Variants in PKP2 observed in about 807,000 individuals in gnomAD.
The protein encoded by PKP2 is plakophilin-2.
In PKP2, 73 loss-of-function variants were observed where a neutral mutation model predicts 83.4. That is an observed-to-expected ratio of 0.88 (90% confidence interval 0.72 to 1.06). The LOEUF (loss-of-function observed/expected upper bound fraction) is 1.06. Among genes scored for constraint, PKP2 ranks in the 50% least tolerant of loss-of-function variants. The pLI, the probability that PKP2 is intolerant of heterozygous loss-of-function variation, is 0.00. For missense variants in PKP2, 966 were observed against 1,065.4 expected (o/e 0.91, Z 1.30); for synonymous variants, 409 against 430.4 (o/e 0.95, Z 0.62).
chr12:32,862,018 C>T (rs1031536596), intron 4 of PKP2, among the ~76,000 whole-genome samples: 1 of 152,126 alleles, frequency 6.6e-6, no homozygotes, highest in Non-Finnish European at 1.5e-5. Flanking sequence ...CTGCCTCAGC[C>T]TCCTAAGTAG....
chr12:32,873,682 A>C (rs1387120259), intron 3 of PKP2, among the ~76,000 whole-genome samples: 5 of 152,182 alleles, frequency 3.3e-5, no homozygotes, highest in African/African-American at 1.2e-4. Flanking sequence ...GGCATCCACC[A>C]CCATGCCTGG....
intron 4 of PKP2, 125 bp downstream of exon 4, chr12:32,868,802 G>A (rs567831618): frequency 1.1e-5 from 12 of 1,096,350 alleles, no homozygotes; most frequent in African/African-American, 6.2e-5. Context: ...GAATATAGGC[G>A]TGAACCACCA....
At chr12:32,793,579 T>A (rs931741253) in intron 11 of PKP2, among the ~76,000 whole-genome samples, 3 of 150,276 alleles carry the variant, frequency 2.0e-5, no homozygotes, top group Non-Finnish European at 4.4e-5. Context: ...AAGTCACCAC[T>A]GCATTTGAAC....
At chr12:32,837,154 GC>G (rs963147311) in intron 6 of PKP2, among the ~76,000 whole-genome samples, 1 of 152,182 alleles carries the variant, frequency 6.6e-6, no homozygotes, top group African/African-American at 2.4e-5. Flanking sequence ...CTGTAAATTG[GC>G]AATATCTGAC....
At chr12:32,824,312 T>G in intron 6 of PKP2, 150 bp from the exon 7 acceptor site, 3 of 694,058 alleles carry the variant, frequency 4.3e-6, no homozygotes, top group Non-Finnish European at 7.9e-6. Context: ...AACAAATCAT[T>G]GACTGCTTAA....
intron 9 of PKP2, among the ~76,000 whole-genome samples, chr12:32,815,845 A>C (rs765128220): frequency 2.0e-5 from 3 of 152,184 alleles, no homozygotes; most frequent in Non-Finnish European, 2.9e-5. Context: ...AATTTCACTA[A>C]TTCCGATTTG....
chr12:32,859,178 G>A lies in PKP2; in HGVS notation c.1171-8205C>T, dbSNP rs1428678693. Among the ~76,000 whole-genome samples, 3 of 152,282 alleles carry A rather than the reference G, an allele frequency of 2.0e-5. No homozygotes were observed. The East Asian group carries it at 5.8e-4, about 29-fold the overall frequency. ...TGGATGAAATATAAGTATAGAAAGAGTACTTATTTCTCTGAAAATTAATTT... is the reference window on the plus strand; with the variant it reads ...TGGATGAAATATAAGTATAGAAAGAATACTTATTTCTCTGAAAATTAATTT... On this transcript the variant is annotated intron_variant, in intron 4 of 12. Transcript: ENST00000340811.
Position 32,792,056 on chromosome 12 carries a change from A to G in PKP2, c.*368T>C. The G allele has an allele frequency of 5.9e-6, 2 of 337,998 alleles. No individual in the cohort carries two copies. Among genetic ancestry groups the G allele is most frequent in the Non-Finnish European group, 1.1e-5 (2 of 177,534 alleles). The allele number at this position is 337,998 out of a possible 1,614,324, so 20.9% of individuals were successfully genotyped here. The stretch of plus-strand genomic sequence containing the variant: ...GAGTGACAAAACATGGGAACCAGAA[A>G]AGGAATATAAATGTAAATCAAACTT... On this transcript the variant is annotated 3_prime_UTR_variant, in exon 13 of 13. Coordinates refer to ENST00000340811, the MANE Select transcript of PKP2 (RefSeq NM_001005242.3).
At chr12:32,848,978 CCAGAACA>C in intron 5 of PKP2, among the ~76,000 whole-genome samples, 1 of 148,046 alleles carries the variant, frequency 6.8e-6, no homozygotes, top group Non-Finnish European at 1.5e-5. Context: ...AAAGTATTTA[CCAGAACA>C]CTGTCAACTA....
intron 4 of PKP2, among the ~76,000 whole-genome samples, chr12:32,858,103 A>ATATATATATATATATT (rs1956769126): frequency 1.4e-4 from 13 of 94,578 alleles, no homozygotes; most frequent in African/African-American, 6.4e-4. Context: ...ATATATATAT[A>ATATATATATATATATT]TATATATATA....
intron 9 of PKP2, among the ~76,000 whole-genome samples, chr12:32,810,283 T>C (rs899749795): frequency 2.0e-5 from 3 of 152,236 alleles, no homozygotes; most frequent in African/African-American, 7.2e-5. Context: ...GAAACTTCTT[T>C]AGTATTCACT....
intron 10 of PKP2, among the ~76,000 whole-genome samples, chr12:32,801,377 G>T (rs1370940350): frequency 6.6e-6 from 1 of 152,134 alleles, no homozygotes; most frequent in African/African-American, 2.4e-5. Flanking sequence ...AAAAGACCAT[G>T]GGGAGAGCAT....
At chr12:32,875,174 G>A (rs145717722) in intron 3 of PKP2, among the ~76,000 whole-genome samples, 23 of 152,136 alleles carry the variant, frequency 1.5e-4, no homozygotes, top group Non-Finnish European at 3.1e-4. Flanking sequence ...CAAATGAATA[G>A]CCACAATATA....
At position 32,802,511 on chromosome 12, in the gene PKP2, G is replaced by C; in HGVS notation, c.2059C>G (p.Leu687Val). ...AQTVVQKESGLQHTRKMLHVG... is the reference protein window; with the variant it reads ...AQTVVQKESGVQHTRKMLHVG... The stretch of plus-strand genomic sequence containing the variant: ...TGCAGCATCTTTCGGGTGTGCTGCA[G>C]GCCACTTTCCTTCTGGACAACTGTC... The change falls in exon 10 of 13, where the codon CTG becomes GTG. Residue 687 changes from leucine (L) to valine (V), a missense_variant. Leu to Val is a conservative substitution (Grantham distance 32, BLOSUM62 1). Coordinates refer to ENST00000340811, the MANE Select transcript of PKP2 (RefSeq NM_001005242.3). The C allele has an allele frequency of 1.2e-6, 2 of 1,613,986 alleles. No individual in the cohort carries two copies. The highest frequency in any genetic ancestry group is 2.2e-5 in the East Asian group (1 of 44,886).
At chr12:32,894,918 T>A (rs541122293) in intron 1 of PKP2, 23 of 152,328 alleles carry the variant, frequency 1.5e-4, no homozygotes, top group African/African-American at 5.5e-4. Flanking sequence ...AGTTCTGTGT[T>A]TTCTAGACCT....
intron 10 of PKP2, among the ~76,000 whole-genome samples, chr12:32,799,067 A>T (rs570849390): frequency 6.6e-6 from 1 of 152,364 alleles, no homozygotes; most frequent in Admixed American, 6.5e-5. Context: ...AAAGCAAGAA[A>T]AAAGCCAAAT....
chr12:32,834,835 T>C (rs1464599316), intron 6 of PKP2, among the ~76,000 whole-genome samples: 1 of 152,046 alleles, frequency 6.6e-6, no homozygotes, highest in Non-Finnish European at 1.5e-5. Flanking sequence ...GTTTTATTGA[T>C]GCTACATCCA....
intron 3 of PKP2, among the ~76,000 whole-genome samples, chr12:32,871,035 G>C (rs1351085204): frequency 6.6e-6 from 1 of 152,066 alleles, no homozygotes; most frequent in Non-Finnish European, 1.5e-5. Flanking sequence ...TCAACTTTCT[G>C]TTTGACTATC....
chr12:32,818,336 C>G (rs1204941440), intron 9 of PKP2, among the ~76,000 whole-genome samples: 4 of 152,062 alleles, frequency 2.6e-5, no homozygotes, highest in African/African-American at 9.7e-5. Flanking sequence ...TGGCACATGC[C>G]TGTAATCCCA....
Sources: allele counts gnomAD v4.1 joint callset (sites outside exome capture counted in the v4.1 genomes callset), GRCh38; gene constraint gnomAD v4.1.1; transcripts MANE v1.5; gene names NCBI Gene and HGNC (gene_info 2026-07-23, HGNC 2026-07-21).